The following IGF2BP3 variants were observed in gnomAD, a reference collection of about 807,000 sequenced individuals.
IGF2BP3 encodes the protein insulin-like growth factor 2 mRNA-binding protein 3.
In IGF2BP3, 9 loss-of-function variants were observed where a neutral mutation model predicts 73.8. The ratio of observed to expected loss-of-function variants is 0.12; its 90% CI spans 0.07 to 0.21. IGF2BP3 has a LOEUF of 0.21. Ranked by LOEUF, IGF2BP3 falls within the 10% of genes least tolerant of loss-of-function variation. The pLI, the probability that IGF2BP3 is intolerant of heterozygous loss-of-function variation, is 1.00. For synonymous variants in IGF2BP3, 258 were observed against 256.7 expected, an observed-to-expected ratio of 1.01 and a Z score of -0.05; for missense variants, 542 against 714.0, an observed-to-expected ratio of 0.76 and a Z score of 2.75.
intron 3 of IGF2BP3, among the ~76,000 whole-genome samples, chr7:23,368,002 T>TAAAAAAAAA (rs780410827): frequency 6.8e-6 from 1 of 147,076 alleles, no homozygotes. Flanking sequence ...TCCATCTATT[T>TAAAAAAAAA]AAAAACAAAA....
At chr7:23,355,770 T>G (rs1289578107) in intron 5 of IGF2BP3, among the ~76,000 whole-genome samples, 1 of 151,994 alleles carries the variant, frequency 6.6e-6, no homozygotes, top group African/African-American at 2.4e-5. Flanking sequence ...CTGTCTCTAC[T>G]AAAAGTACAA....
chr7:23,441,755 T>G (rs1232065247), intron 2 of IGF2BP3, among the ~76,000 whole-genome samples: 1 of 152,090 alleles, frequency 6.6e-6, no homozygotes, highest in Non-Finnish European at 1.5e-5. Flanking sequence ...CTGCCAATTA[T>G]GACAGTGGTT....
intron 3 of IGF2BP3, among the ~76,000 whole-genome samples, chr7:23,412,326 G>A (rs1386464412): frequency 1.3e-5 from 2 of 152,048 alleles, no homozygotes; most frequent in African/African-American, 4.8e-5. Context: ...TCCCTTCTTT[G>A]ACCAGAGCCT....
intron 6 of IGF2BP3, among the ~76,000 whole-genome samples, chr7:23,350,091 G>A (rs1449423630): frequency 6.6e-6 from 1 of 152,174 alleles, no homozygotes; most frequent in African/African-American, 2.4e-5. Context: ...GCAGGGAGCA[G>A]GTGGGTATGG....
At chr7:23,316,675 A>C (rs886304814) in intron 12 of IGF2BP3, among the ~76,000 whole-genome samples, 2 of 115,564 alleles carry the variant, frequency 1.7e-5, no homozygotes, top group South Asian at 5.5e-4. Flanking sequence ...ACTCTGTCTC[A>C]AAAAAAAAAA....
At chr7:23,407,075 A>T (rs1030728166) in intron 3 of IGF2BP3, among the ~76,000 whole-genome samples, 2 of 152,052 alleles carry the variant, frequency 1.3e-5, no homozygotes, top group Non-Finnish European at 2.9e-5. Flanking sequence ...AAAAATTACT[A>T]GTATCAGAAT....
At chr7:23,396,280 C>T (rs556933233) in intron 3 of IGF2BP3, among the ~76,000 whole-genome samples, 7 of 152,074 alleles carry the variant, frequency 4.6e-5, no homozygotes, top group African/African-American at 1.4e-4. Context: ...GAGGGGTGCA[C>T]ACCTATAGCC....
At chr7:23,326,246 A>G (rs1784291519) in intron 10 of IGF2BP3, among the ~76,000 whole-genome samples, 1 of 152,238 alleles carries the variant, frequency 6.6e-6, no homozygotes, top group South Asian at 2.1e-4. Context: ...CCCATCAAAA[A>G]GTGGGCCAAG....
At chr7:23,421,809 G>A (rs1787356689) in intron 2 of IGF2BP3, among the ~76,000 whole-genome samples, 1 of 151,986 alleles carries the variant, frequency 6.6e-6, no homozygotes, top group South Asian at 2.1e-4. Flanking sequence ...TTTTGAGATG[G>A]AGTCTCACTC....
intron 3 of IGF2BP3, among the ~76,000 whole-genome samples, chr7:23,381,095 G>A (rs1335025929): frequency 6.6e-6 from 1 of 152,174 alleles, no homozygotes; most frequent in Non-Finnish European, 1.5e-5. Context: ...CCCTAGCACA[G>A]AGCTATAGAC....
At position 23,468,513 on chromosome 7, in the gene IGF2BP3, C is replaced by T; in HGVS notation, c.205G>A (p.Glu69Lys). The T allele has an allele frequency of 1.2e-6, 2 of 1,614,240 alleles. No homozygotes were observed. Among genetic ancestry groups the T allele is most frequent in the South Asian group, 2.2e-5 (2 of 91,088 alleles). ...CTTTTTGGGACCGAGTGCTCAACTT[C>T]TATGGGTTTCCCGTGCAGTTCTATT... is the stretch of plus-strand genomic sequence containing the variant. ...GKIELHGKPI[E>K]VEHSVPKRQR... The change falls in exon 2 of 15, where the codon GAA becomes AAA. Residue 69 changes from glutamate (E) to lysine (K), a missense_variant. Transcript: ENST00000258729.
intron 3 of IGF2BP3, among the ~76,000 whole-genome samples, chr7:23,370,168 C>G (rs918829062): frequency 2.6e-5 from 4 of 152,180 alleles, no homozygotes; most frequent in African/African-American, 9.7e-5. Flanking sequence ...AAGTACCTCT[C>G]TCGTCATCTC....
chr7:23,401,538 G>T (rs912299936), intron 3 of IGF2BP3, among the ~76,000 whole-genome samples: 4 of 151,910 alleles, frequency 2.6e-5, no homozygotes, highest in Non-Finnish European at 5.9e-5. Context: ...GCCAAGGCAG[G>T]TGGATCACCT....
At chr7:23,373,661 A>G (rs930084009) in intron 3 of IGF2BP3, among the ~76,000 whole-genome samples, 2 of 152,214 alleles carry the variant, frequency 1.3e-5, no homozygotes, top group Non-Finnish European at 2.9e-5. Flanking sequence ...AAAATTAAAA[A>G]TAGACCTACC....
intron 2 of IGF2BP3, among the ~76,000 whole-genome samples, chr7:23,449,541 CCTTTTT>C (rs1178753351): frequency 1.9e-4 from 25 of 131,960 alleles, no homozygotes; most frequent in East Asian, 8.1e-4. Flanking sequence ...AATTTTTTTT[CCTTTTT>C]CTTTTTCTTT....
intron 3 of IGF2BP3, among the ~76,000 whole-genome samples, chr7:23,379,256 T>C (rs1467230737): frequency 6.6e-6 from 1 of 152,220 alleles, no homozygotes; most frequent in Non-Finnish European, 1.5e-5. Flanking sequence ...CACCCACTGT[T>C]GCTCTGTCTC....
At chr7:23,399,411 TAA>T (rs55716214) in intron 3 of IGF2BP3, among the ~76,000 whole-genome samples, 7 of 141,986 alleles carry the variant, frequency 4.9e-5, no homozygotes, top group Admixed American at 2.1e-4. Flanking sequence ...TAAATTAAAT[TAA>T]AAAAAAAAAA....
intron 2 of IGF2BP3, among the ~76,000 whole-genome samples, chr7:23,439,206 G>A (rs1331813131): frequency 6.6e-6 from 1 of 152,000 alleles, no homozygotes; most frequent in Non-Finnish European, 1.5e-5. Flanking sequence ...TACCACCATT[G>A]CACTCCGGGC....
At position 23,469,037 on chromosome 7, in the gene IGF2BP3, C is replaced by A. The variant is rs1788639217; in HGVS notation, c.176-495G>T. Among the ~76,000 whole-genome samples, 1 of 152,254 alleles carries A rather than the reference C, an allele frequency of 6.6e-6. No individual in the cohort carries two copies. The highest frequency in any genetic ancestry group is 2.4e-5 in the African/African-American group (1 of 41,466). ...AAGGGTCGGGGACGGCAGGGGAGAC[C>A]ACGAACGGGAGAACTGGCAGAGGCG... On this transcript the variant is annotated intron_variant, in intron 1 of 14. Coordinates refer to ENST00000258729, the MANE Select transcript of IGF2BP3 (RefSeq NM_006547.3). The surrounding 1 kb of genome is among the most constrained non-coding windows in gnomAD (Gnocchi z 6.1).
Sources: allele counts gnomAD v4.1 joint callset (sites outside exome capture counted in the v4.1 genomes callset), GRCh38; gene constraint gnomAD v4.1.1; non-coding constraint Gnocchi (gnomAD v3.1); transcripts MANE v1.5; gene names NCBI Gene and HGNC (gene_info 2026-07-23, HGNC 2026-07-21).